The following ANGPT1 variants were observed in gnomAD, a reference collection of about 807,000 sequenced individuals.
ANGPT1 encodes the protein angiopoietin 1.
Under a neutral mutation model 62.2 loss-of-function variants are expected in ANGPT1, and 17 were observed. The observed-to-expected ratio is 0.27, with a 90% CI of 0.19 to 0.41. The LOEUF (loss-of-function observed/expected upper bound fraction) is 0.41, where lower values mean the gene tolerates loss of function less well. Among genes scored for constraint, ANGPT1 ranks in the 10% least tolerant of loss-of-function variants. The pLI is 1.00. For synonymous variants in ANGPT1, 199 were observed against 198.9 expected (o/e 1.00, Z 0.00); for missense variants, 478 against 594.9 (o/e 0.80, Z 2.04).
intron 1 of ANGPT1, among the ~76,000 whole-genome samples, chr8:107,446,886 T>G (rs559791720): frequency 6.6e-6 from 1 of 152,286 alleles, no homozygotes; most frequent in Non-Finnish European, 1.5e-5. Flanking sequence ...AGGTGCCAAA[T>G]AGGCAATTCT....
At chr8:107,342,619 G>C (rs1462666711) in intron 2 of ANGPT1, among the ~76,000 whole-genome samples, 1 of 152,082 alleles carries the variant, frequency 6.6e-6, no homozygotes, top group Non-Finnish European at 1.5e-5. Flanking sequence ...GTGGGCCATA[G>C]GCTGCTGAGC....
chr8:107,374,517 C>T (rs988469894), intron 1 of ANGPT1, among the ~76,000 whole-genome samples: 5 of 152,264 alleles, frequency 3.3e-5, no homozygotes, highest in Admixed American at 1.3e-4. Context: ...GGGACGAAAT[C>T]CAATTCACTT....
intron 1 of ANGPT1, among the ~76,000 whole-genome samples, chr8:107,467,687 C>T (rs62514477): frequency 0.053 from 8,000 of 151,888 alleles, 242 homozygotes; most frequent in South Asian, 0.11. Flanking sequence ...CTTAGCTCTA[C>T]GGTTTAAGGT....
chr8:107,315,994 T>TA, intron 4 of ANGPT1, among the ~76,000 whole-genome samples: 1 of 152,300 alleles, frequency 6.6e-6, no homozygotes, highest in South Asian at 2.1e-4. Context: ...TCAGTCAAAA[T>TA]ATCCCAAACT....
At chr8:107,352,896 T>C (rs920866586) in intron 1 of ANGPT1, among the ~76,000 whole-genome samples, 1 of 152,128 alleles carries the variant, frequency 6.6e-6, no homozygotes, top group Non-Finnish European at 1.5e-5. Flanking sequence ...GATGGTTTTA[T>C]CTAATCTCAT....
chr8:107,284,241 T>A (rs1429182778), intron 7 of ANGPT1: 1 of 152,236 alleles, frequency 6.6e-6, no homozygotes, highest in Non-Finnish European at 1.5e-5. Context: ...CATAAAAAAA[T>A]TTTACTTTTG....
chr8:107,371,551 C>G (rs1045182838), intron 1 of ANGPT1, among the ~76,000 whole-genome samples: 53 of 150,390 alleles, frequency 3.5e-4, no homozygotes, highest in African/African-American at 1.2e-3. Context: ...CTTCAATCCC[C>G]TCTCTCTTGG....
chr8:107,392,209 C>T (rs557919736), intron 1 of ANGPT1, among the ~76,000 whole-genome samples: 1 of 152,154 alleles, frequency 6.6e-6, no homozygotes, highest in East Asian at 1.9e-4. Context: ...TATATGAATA[C>T]TGGCATTTTT....
chr8:107,298,066 A>T (rs548245781), intron 5 of ANGPT1, among the ~76,000 whole-genome samples: 1 of 151,830 alleles, frequency 6.6e-6, no homozygotes, highest in Non-Finnish European at 1.5e-5. Flanking sequence ...CTTGGGCTTA[A>T]CTCTATCCAA....
At chr8:107,280,234 C>G (rs1395347097) in intron 7 of ANGPT1, among the ~76,000 whole-genome samples, 6 of 151,456 alleles carry the variant, frequency 4.0e-5, no homozygotes, top group Non-Finnish European at 7.4e-5. Context: ...GCGTTTCACT[C>G]TTGTCGCCCT....
intron 1 of ANGPT1, among the ~76,000 whole-genome samples, chr8:107,410,499 C>T (rs1188528698): frequency 6.6e-6 from 1 of 152,128 alleles, no homozygotes; most frequent in East Asian, 1.9e-4. Flanking sequence ...TTCTAAACCT[C>T]TATTTCCTTC....
At chr8:107,452,229 C>G (rs1365642163) in intron 1 of ANGPT1, among the ~76,000 whole-genome samples, 1 of 151,280 alleles carries the variant, frequency 6.6e-6, no homozygotes, top group Non-Finnish European at 1.5e-5. Flanking sequence ...CAAATTTTTT[C>G]CCTCTAAATA....
intron 1 of ANGPT1, among the ~76,000 whole-genome samples, chr8:107,440,852 AG>A (rs1811456129): frequency 6.6e-6 from 1 of 152,224 alleles, no homozygotes; most frequent in Non-Finnish European, 1.5e-5. Flanking sequence ...TGTTTTTTAA[AG>A]TTGATCCTGC....
At chr8:107,337,335 T>G (rs562549619) in intron 2 of ANGPT1, among the ~76,000 whole-genome samples, 17 of 152,300 alleles carry the variant, frequency 1.1e-4, no homozygotes, top group Admixed American at 6.5e-5. Context: ...CCACTATTAC[T>G]ACTCTGGTGG....
intron 1 of ANGPT1, among the ~76,000 whole-genome samples, chr8:107,408,678 C>T (rs1471183277): frequency 6.6e-6 from 1 of 152,122 alleles, no homozygotes; most frequent in Non-Finnish European, 1.5e-5. Context: ...GGAGTAGACA[C>T]AAGCAAGCAG....
chr8:107,409,022 C>T (rs1429783893), intron 1 of ANGPT1, among the ~76,000 whole-genome samples: 1 of 152,014 alleles, frequency 6.6e-6, no homozygotes, highest in African/African-American at 2.4e-5. Flanking sequence ...GTAGATCCTC[C>T]TCAAATTTGG....
At chr8:107,491,354 T>C (rs1311689500) in intron 1 of ANGPT1, among the ~76,000 whole-genome samples, 1 of 152,128 alleles carries the variant, frequency 6.6e-6, no homozygotes, top group Non-Finnish European at 1.5e-5. Context: ...GGAGTTTGCA[T>C]TCTTAGTAGG....
intron 8 of ANGPT1, among the ~76,000 whole-genome samples, chr8:107,262,487 C>T (rs141237464): frequency 6.6e-6 from 1 of 152,274 alleles, no homozygotes; most frequent in Admixed American, 6.5e-5. Context: ...TCATGTACAA[C>T]ATAGAGATGA....
intron 5 of ANGPT1, among the ~76,000 whole-genome samples, chr8:107,296,652 G>A (rs1231921020): frequency 1.3e-5 from 2 of 151,978 alleles, no homozygotes; most frequent in Non-Finnish European, 2.9e-5. Context: ...AAAAAGGGAA[G>A]TGAAAATATC....
Sources: allele counts gnomAD v4.1 joint callset (sites outside exome capture counted in the v4.1 genomes callset), GRCh38; gene constraint gnomAD v4.1.1; transcripts MANE v1.5; gene names NCBI Gene and HGNC (gene_info 2026-07-23, HGNC 2026-07-21).